The following KIFC1 variants were observed in gnomAD, a reference collection of about 807,000 sequenced individuals.
KIFC1 encodes kinesin family member C1.
In KIFC1, 37 loss-of-function variants were observed where a neutral mutation model predicts 66.6. The observed-to-expected ratio is 0.56, with a 90% CI of 0.43 to 0.73. The LOEUF is 0.73. Ranked by LOEUF, KIFC1 falls within the 30% of genes least tolerant of loss-of-function variation. The pLI is 0.00. For missense variants in KIFC1, 721 were observed against 859.8 expected (o/e 0.84, Z 2.02); for synonymous variants, 325 against 343.5 (o/e 0.95, Z 0.60).
intron 1 of KIFC1, among the ~76,000 whole-genome samples, chr6:33,392,333 C>T (rs1378389395): frequency 6.6e-6 from 1 of 152,196 alleles, no homozygotes; most frequent in Non-Finnish European, 1.5e-5. Context: ...GGTGTGATTG[C>T]AGTGTGTAAG....
rs1775552379 is a variant in KIFC1, at chr6:33,404,721, T to C, written c.757-131T>C. 2.6e-6 allele frequency: 2 copies of C among 779,184 alleles called. No homozygotes were observed. The highest frequency in any genetic ancestry group is 3.5e-5 in the African/African-American group (2 of 57,646). 48.3% of individuals were successfully genotyped at this position (779,184 alleles called of 1,614,324 possible). ...CCATGATTCCTTATTTTCTCATCTT[T>C]CTTTGTTTACCAGACTTTGAGGTCC... is the stretch of plus-strand genomic sequence containing the variant. On this transcript the variant is annotated intron_variant, in intron 6 of 10. Transcript: ENST00000428849. The surrounding 1 kb of genome is among the most constrained non-coding windows in gnomAD (Gnocchi z 4.0).
intron 3 of KIFC1, among the ~76,000 whole-genome samples, chr6:33,402,416 C>G (rs1374257683): frequency 6.6e-6 from 1 of 152,124 alleles, no homozygotes; most frequent in Non-Finnish European, 1.5e-5. Flanking sequence ...TATAAGTAAT[C>G]TAAAGATGAT....
At position 33,405,536 on chromosome 6, in the gene KIFC1, C is replaced by G. The variant is rs1554299777; in HGVS notation, c.1441C>G (p.Gln481Glu). The G allele has an allele frequency of 3.7e-6, 6 of 1,609,502 alleles. No individual in the cohort carries two copies. In the South Asian group the frequency reaches 5.5e-5, roughly 15 times the overall value. Residue 481 changes from glutamine to glutamate, a missense_variant, in exon 7 of 11, where the codon CAA (glutamine) becomes GAA (glutamate). Transcript: ENST00000428849. The surrounding 1 kb of genome is among the most constrained non-coding windows in gnomAD (Gnocchi z 5.4). ...DLLATGTRKG[Q>E]GGECEIRRAG... is the part of the protein sequence containing the mutation. ...GCTGGCCACTGGAACCCGGAAGGGT[C>G]AAGGGGGCGAGTGTGAGATTCGCCG...
chr6:33,396,436 CTTTTTT>C (rs199749552), intron 1 of KIFC1, among the ~76,000 whole-genome samples: 2 of 116,258 alleles, frequency 1.7e-5, no homozygotes, highest in African/African-American at 7.0e-5. Flanking sequence ...CTTTTCTTTT[CTTTTTT>C]TTTTTTTTTT....
At position 33,406,226 on chromosome 6, in the gene KIFC1, A is replaced by C. The variant is rs1385640355; in HGVS notation, c.1567A>C (p.Asn523His). ...VDALLHLARQ[N>H]RAVARTAQNE... is the part of the protein sequence containing the mutation. The stretch of plus-strand genomic sequence containing the variant: ...CGCCCTGCTTCATCTGGCCCGCCAG[A>C]ATCGGGCTGTGGCCCGCACAGCCCA... Residue 523 changes from asparagine to histidine, a missense_variant, in exon 8 of 11, where the codon AAT becomes CAT. Asn to His is a moderately conservative substitution (Grantham distance 68, BLOSUM62 1). Coordinates refer to ENST00000428849, the MANE Select transcript of KIFC1 (RefSeq NM_002263.4). This position sits in a 1 kb window ranked among gnomAD's most constrained non-coding sequence, Gnocchi z 4.5. 1 of 1,609,122 alleles carries C rather than the reference A, an allele frequency of 6.2e-7. No individual in the cohort carries two copies. The highest frequency in any genetic ancestry group is 8.5e-7 in the Non-Finnish European group (1 of 1,176,460).
rs1274421787 is a variant in KIFC1, at chr6:33,403,903, A to C, written c.530A>C (p.Gln177Pro). Residue 177 changes from glutamine (Q) to proline (P), a missense_variant, in exon 6 of 11, where the codon CAG becomes CCG. By Grantham distance (76) the Gln-to-Pro change is moderately conservative. Transcript: ENST00000428849. This position sits in a 1 kb window ranked among gnomAD's most constrained non-coding sequence, Gnocchi z 4.6. Reference protein sequence around the residue: ...LQDQLRDAQQQVKALGTERTT... With the variant: ...LQDQLRDAQQPVKALGTERTT... The stretch of plus-strand genomic sequence containing the variant: ...GACCAGCTCAGAGATGCCCAGCAGC[A>C]GGTCAAGGCCCTGGGGACAGAGCGC... 1 of 1,614,134 alleles carries C rather than the reference A, an allele frequency of 6.2e-7. No individual in the cohort carries two copies. Among genetic ancestry groups the C allele is most frequent in the Non-Finnish European group, 8.5e-7 (1 of 1,180,048 alleles).
chr6:33,406,203 C>CCCTG lies in KIFC1; in HGVS notation c.1546_1549dup (p.Leu517ProfsTer18). On this transcript the variant is annotated frameshift_variant, in exon 8 of 11. Coordinates refer to ENST00000428849, the MANE Select transcript of KIFC1 (RefSeq NM_002263.4). LOFTEE classifies it high-confidence loss of function. The surrounding 1 kb of genome is among the most constrained non-coding windows in gnomAD (Gnocchi z 4.5). ...TTCTGCTCCCATCCCCAGGTGGACG[C>CCCTG]CCTGCTTCATCTGGCCCGCCAGAAT... The CCCTG allele has an allele frequency of 6.2e-7, 1 of 1,604,200 alleles. No homozygotes were observed. The highest frequency in any genetic ancestry group is 8.5e-7 in the Non-Finnish European group (1 of 1,172,964).
chr6:33,409,562 A>C, intron 10 of KIFC1, 84 bp from the exon 11 acceptor site: 1 of 1,331,632 alleles, frequency 7.5e-7, no homozygotes, highest in Admixed American at 1.7e-5. Flanking sequence ...GGGCAGCCCT[A>C]GCATTGGAGG....
rs1457187110 is a variant in KIFC1 at position 33,403,846 on chromosome 6, A to G, written c.473A>G (p.Gln158Arg). The stretch of plus-strand genomic sequence containing the variant: ...CTAAAACGGTGCCGTGAGAGGACTC[A>G]AACGTTGGACCAAGAGAACCAGCAG... ...AELKRCRERTQTLDQENQQLQ... is the reference protein window; with the variant it reads ...AELKRCRERTRTLDQENQQLQ... The change falls in exon 6 of 11, where the codon CAA becomes CGA. Residue 158 changes from glutamine to arginine, a missense_variant. Gln to Arg is a conservative substitution (Grantham distance 43, BLOSUM62 1). Transcript: ENST00000428849. The surrounding 1 kb of genome is among the most constrained non-coding windows in gnomAD (Gnocchi z 4.6). The G allele has an allele frequency of 2.5e-6, 4 of 1,614,250 alleles. No homozygotes were observed. The highest frequency in any genetic ancestry group is 2.5e-6 in the Non-Finnish European group (3 of 1,180,050).
At chr6:33,408,647 G>C (rs182908431) in intron 10 of KIFC1, among the ~76,000 whole-genome samples, 26 of 152,302 alleles carry the variant, frequency 1.7e-4, no homozygotes, top group African/African-American at 6.3e-4. Context: ...TTTCAGTATT[G>C]AGTTGATATC....
chr6:33,403,507 TC>T lies in KIFC1; in HGVS notation c.329del (p.Pro110LeufsTer30). On this transcript the variant is annotated frameshift_variant, in exon 5 of 11. Transcript: ENST00000428849. LOFTEE classifies it high-confidence loss of function. The surrounding 1 kb of genome is among the most constrained non-coding windows in gnomAD (Gnocchi z 4.6). Reference protein sequence around the residue: ...ATGLKNQKPVPAVPVQKSGTS... With the variant: ...ATGLKNQKPVXAVPVQKSGTS... ...TAGGGTTGAAGAACCAGAAGCCAGT[TC>T]CTGCTGTTCCTGTCCAGAAGTCTGG... The T allele has an allele frequency of 6.2e-7, 1 of 1,614,164 alleles. No homozygotes were observed.
chr6:33,404,849 C>T lies in KIFC1; in HGVS notation c.757-3C>T. On this transcript the variant is annotated splice_region_variant and splice_polypyrimidine_tract_variant and intron_variant, in intron 6 of 10. Transcript: ENST00000428849. This position sits in a 1 kb window ranked among gnomAD's most constrained non-coding sequence, Gnocchi z 4.0. ...TGTGTATGTTGTGTTCTCTTCTGGGCAGAGGAGGCTGCAGACATCAGAAGC... is the reference window on the plus strand; with the variant it reads ...TGTGTATGTTGTGTTCTCTTCTGGGTAGAGGAGGCTGCAGACATCAGAAGC... 1 of 1,601,164 alleles carries T rather than the reference C, an allele frequency of 6.2e-7. No homozygotes were observed. Among genetic ancestry groups the T allele is most frequent in the Non-Finnish European group, 8.5e-7 (1 of 1,172,646 alleles).
At chr6:33,394,933 G>C (rs1057273202) in intron 1 of KIFC1, among the ~76,000 whole-genome samples, 1 of 152,188 alleles carries the variant, frequency 6.6e-6, no homozygotes, top group Non-Finnish European at 1.5e-5. Context: ...TTAAAATCTG[G>C]AGAGATGAGG....
chr6:33,408,202 A>G (rs1775743657), intron 10 of KIFC1, among the ~76,000 whole-genome samples: 2 of 152,208 alleles, frequency 1.3e-5, no homozygotes, highest in South Asian at 4.1e-4. Context: ...AGGTTTGTTC[A>G]AATCAGGATC....
rs1775661843 is a variant in KIFC1 at position 33,406,484 on chromosome 6, A to G, written c.1825A>G (p.Lys609Glu). ...GCTGGTTATCATGGCCCTGAGCAAC[A>G]AGGTGGGAATGGGAGTGGGGTGAGA... is the stretch of plus-strand genomic sequence containing the variant. ...LGLVIMALSN[K>E]ESHVPYRNSK... Residue 609 changes from lysine (K) to glutamate (E), a missense_variant and splice_region_variant, in exon 8 of 11, where the codon AAG becomes GAG. Coordinates refer to ENST00000428849, the MANE Select transcript of KIFC1 (RefSeq NM_002263.4). The surrounding 1 kb of genome is among the most constrained non-coding windows in gnomAD (Gnocchi z 4.5). 6.2e-7 allele frequency: 1 copy of G among 1,600,234 alleles called. No individual in the cohort carries two copies. The highest frequency in any genetic ancestry group is 1.3e-5 in the African/African-American group (1 of 74,738).
At chr6:33,409,515 G>A in intron 10 of KIFC1, 131 bp from the exon 11 acceptor site, 1 of 908,374 alleles carries the variant, frequency 1.1e-6, no homozygotes. Context: ...GCACCAGCCT[G>A]AACCAGCCTT....
At chr6:33,408,232 T>C (rs546410307) in intron 10 of KIFC1, among the ~76,000 whole-genome samples, 1 of 152,364 alleles carries the variant, frequency 6.6e-6, no homozygotes, top group South Asian at 2.1e-4. Flanking sequence ...GCCACCCACT[T>C]GGTTGAAATG....
intron 1 of KIFC1, among the ~76,000 whole-genome samples, chr6:33,394,628 C>T (rs1409208803): frequency 6.6e-6 from 1 of 152,152 alleles, no homozygotes; most frequent in South Asian, 2.1e-4. Context: ...ATTACAGGCA[C>T]GTGCCAGCAC....
rs539585664 is a variant in KIFC1, at chr6:33,395,118, C to T, written c.13-2911C>T. Among the ~76,000 whole-genome samples the T allele has an allele frequency of 2.0e-5, 3 of 152,196 alleles. No individual in the cohort carries two copies. The South Asian group carries it at 6.2e-4, about 31-fold the overall frequency. On this transcript the variant is annotated intron_variant, in intron 1 of 10. Coordinates refer to ENST00000428849, the MANE Select transcript of KIFC1 (RefSeq NM_002263.4). ...CTTGTGATCTTGAGGATAGCAATTT[C>T]GATGGAATGGTGGGAATGAAAGCCT...
Sources: gnomAD v4.1 joint callset for allele counts (sites outside exome capture counted in the v4.1 genomes callset) on GRCh38, gnomAD v4.1.1 for gene constraint, Gnocchi (gnomAD v3.1) non-coding constraint, MANE v1.5 for transcripts, NCBI Gene and HGNC (gene_info 2026-07-23, HGNC 2026-07-21) for gene names.